PTPRD: variants seen among roughly 807,000 people sequenced by gnomAD.
PTPRD encodes the protein receptor-type tyrosine-protein phosphatase delta.
In PTPRD, 34 loss-of-function variants were observed where a neutral mutation model predicts 214.5. The observed-to-expected ratio is 0.16, with a 90% CI of 0.12 to 0.21. The LOEUF is 0.21. PTPRD is among the 10% of genes least tolerant of loss of function. The pLI is 1.00. For missense variants in PTPRD, 2,545 were observed against 2,398.7 expected, an observed-to-expected ratio of 1.06 and a Z score of -1.27; for synonymous variants, 1,128 against 845.7, an observed-to-expected ratio of 1.33 and a Z score of -5.79.
At chr9:9,398,498 C>T (rs904546873) in intron 8 of PTPRD, among the ~76,000 whole-genome samples, 1 of 151,860 alleles carries the variant, frequency 6.6e-6, no homozygotes, top group Non-Finnish European at 1.5e-5. Context: ...TTTTGTCAAT[C>T]ATTCTTTAAG....
chr9:9,188,436 A>G (rs1387795713), intron 9 of PTPRD, among the ~76,000 whole-genome samples: 1 of 152,062 alleles, frequency 6.6e-6, no homozygotes, highest in African/African-American at 2.4e-5. Flanking sequence ...AGATAATGCC[A>G]AACTGTTTTC....
At chr9:10,569,630 T>C (rs1037493507) in intron 2 of PTPRD, among the ~76,000 whole-genome samples, 5 of 152,058 alleles carry the variant, frequency 3.3e-5, no homozygotes, top group Non-Finnish European at 5.9e-5. Flanking sequence ...ATTAATTTCA[T>C]AGCTATGTAA....
chr9:10,497,060 T>C (rs1407119243), intron 2 of PTPRD, among the ~76,000 whole-genome samples: 1 of 151,886 alleles, frequency 6.6e-6, no homozygotes, highest in Admixed American at 6.6e-5. Flanking sequence ...TAAAACCAAA[T>C]ACCTTATGTT....
At chr9:9,687,964 G>A (rs1365354823) in intron 7 of PTPRD, among the ~76,000 whole-genome samples, 1 of 151,758 alleles carries the variant, frequency 6.6e-6, no homozygotes, top group Admixed American at 6.6e-5. Context: ...TTTCACTCAC[G>A]CTGTTTTCAT....
At chr9:9,572,716 G>C (rs1013837172) in intron 8 of PTPRD, among the ~76,000 whole-genome samples, 31 of 149,706 alleles carry the variant, frequency 2.1e-4, no homozygotes, top group African/African-American at 7.3e-4. Flanking sequence ...AATAATAAAG[G>C]ACAAATAATC....
At chr9:10,071,555 A>T (rs747170750) in intron 3 of PTPRD, among the ~76,000 whole-genome samples, 24 of 152,106 alleles carry the variant, frequency 1.6e-4, no homozygotes, top group Non-Finnish European at 5.9e-5. Flanking sequence ...TGAAATGTGT[A>T]TGTCTATATG....
At chr9:9,499,254 T>C (rs868600705) in intron 8 of PTPRD, among the ~76,000 whole-genome samples, 1 of 152,100 alleles carries the variant, frequency 6.6e-6, no homozygotes, top group Admixed American at 6.6e-5. Flanking sequence ...CCCTTTTTAA[T>C]GGATGAAGAA....
At chr9:9,741,690 G>C (rs2098404857) in intron 6 of PTPRD, among the ~76,000 whole-genome samples, 1 of 152,176 alleles carries the variant, frequency 6.6e-6, no homozygotes, top group Non-Finnish European at 1.5e-5. Flanking sequence ...CCACCTATGA[G>C]TGAGAATATG....
intron 2 of PTPRD, among the ~76,000 whole-genome samples, chr9:10,499,280 T>C (rs2042973467): frequency 6.6e-6 from 1 of 151,952 alleles, no homozygotes; most frequent in Non-Finnish European, 1.5e-5. Flanking sequence ...ACATGCAGTG[T>C]TTGGTTTTCT....
At chr9:10,115,064 G>T (rs1007286604) in intron 3 of PTPRD, among the ~76,000 whole-genome samples, 1 of 151,316 alleles carries the variant, frequency 6.6e-6, no homozygotes, top group East Asian at 1.9e-4. Context: ...AACCTTCAAA[G>T]TGCTATCTCT....
At chr9:10,436,307 G>A (rs1431218255) in intron 2 of PTPRD, among the ~76,000 whole-genome samples, 1 of 151,582 alleles carries the variant, frequency 6.6e-6, no homozygotes, top group East Asian at 1.9e-4. Flanking sequence ...TGTTTTCAGT[G>A]TCCACATTAG....
chr9:9,827,138 C>A (rs1457914122), intron 5 of PTPRD, among the ~76,000 whole-genome samples: 2 of 152,024 alleles, frequency 1.3e-5, no homozygotes, highest in African/African-American at 2.4e-5. Context: ...ACTTTCTTCA[C>A]AGAATTGGAA....
chr9:9,792,083 T>A (rs2098971663), intron 5 of PTPRD, among the ~76,000 whole-genome samples: 1 of 151,480 alleles, frequency 6.6e-6, no homozygotes, highest in South Asian at 2.1e-4. Flanking sequence ...AAATGTTTTA[T>A]CCCATGATTT....
chr9:9,903,431 G>C (rs555276819), intron 5 of PTPRD, among the ~76,000 whole-genome samples: 6 of 152,068 alleles, frequency 3.9e-5, no homozygotes, highest in Non-Finnish European at 7.4e-5. Flanking sequence ...AGTTTCACAA[G>C]TTGGTGAGAA....
chr9:8,707,424 G>C (rs1208108814), intron 12 of PTPRD, among the ~76,000 whole-genome samples: 1 of 152,234 alleles, frequency 6.6e-6, no homozygotes, highest in African/African-American at 2.4e-5. Context: ...AGTTACTTCA[G>C]AGTAACCATG....
chr9:10,224,372 T>C (rs1231289330), intron 3 of PTPRD, among the ~76,000 whole-genome samples: 2 of 152,074 alleles, frequency 1.3e-5, no homozygotes, highest in Non-Finnish European at 2.9e-5. Context: ...ATTCTTTTCT[T>C]ATTATATTTA....
Position 9,379,399 on chromosome 9 carries a change from C to T in PTPRD, c.-203+18050G>A, listed in dbSNP as rs79551160. 6.4e-3 allele frequency among the ~76,000 whole-genome samples: 976 copies of T among 151,818 alleles called. 8 individuals carry two copies. Among genetic ancestry groups the T allele is most frequent in the African/African-American group, 0.021 (862 of 41,474 alleles). ...CTATTCCATAAAATTGATCTACTTTCCTATTCTTCGTCCAATACCATGCAG... is the reference window on the plus strand; with the variant it reads ...CTATTCCATAAAATTGATCTACTTTTCTATTCTTCGTCCAATACCATGCAG... On this transcript the variant is annotated intron_variant, in intron 9 of 45. Transcript: ENST00000381196.
chr9:9,332,576 G>A (rs1470026894), intron 9 of PTPRD, among the ~76,000 whole-genome samples: 19 of 141,536 alleles, frequency 1.3e-4, no homozygotes, highest in African/African-American at 7.7e-5. Flanking sequence ...ATAGAAGTAA[G>A]AAAAAAAAAA....
At chr9:10,518,450 T>C (rs1425817972) in intron 2 of PTPRD, among the ~76,000 whole-genome samples, 1 of 152,192 alleles carries the variant, frequency 6.6e-6, no homozygotes, top group African/African-American at 2.4e-5. Context: ...GAAATAAAGA[T>C]GTTTCATTCC....
Sources: gnomAD v4.1 joint callset for allele counts (sites outside exome capture counted in the v4.1 genomes callset) on GRCh38, gnomAD v4.1.1 for gene constraint, MANE v1.5 for transcripts, NCBI Gene and HGNC (gene_info 2026-07-23, HGNC 2026-07-21) for gene names.